HIP1: variants seen among roughly 807,000 people sequenced by gnomAD.
The protein encoded by HIP1 is huntingtin-interacting protein 1.
Under a neutral mutation model 147.6 loss-of-function variants are expected in HIP1, and 65 were observed. That is an observed-to-expected ratio of 0.44 (90% CI 0.36 to 0.54). The LOEUF (loss-of-function observed/expected upper bound fraction) is 0.54. Among genes scored for constraint, HIP1 ranks in the 20% least tolerant of loss-of-function variants. The probability of loss-of-function intolerance (pLI) is 0.00; values close to 1 mark genes in which losing one functional copy is unlikely to be tolerated. For missense variants in HIP1, 1,061 were observed against 1,299.6 expected, an observed-to-expected ratio of 0.82 and a Z score of 2.82; for synonymous variants, 479 against 504.0, an observed-to-expected ratio of 0.95 and a Z score of 0.67.
chr7:75,668,787 AT>A (rs1367850534), intron 1 of HIP1, among the ~76,000 whole-genome samples: 1 of 152,224 alleles, frequency 6.6e-6, no homozygotes, highest in African/African-American at 2.4e-5. Flanking sequence ...AGAATAATAC[AT>A]TTTTTTAAAA....
At chr7:75,632,606 C>T (rs1385029427) in intron 1 of HIP1, among the ~76,000 whole-genome samples, 2 of 149,838 alleles carry the variant, frequency 1.3e-5, no homozygotes, top group African/African-American at 2.5e-5. Flanking sequence ...CTATGTTGCC[C>T]AGGCTGGTCT....
At chr7:75,699,106 A>G (rs6964826) in intron 1 of HIP1, among the ~76,000 whole-genome samples, 83,723 of 151,852 alleles carry the variant, frequency 0.55, 23,810 homozygotes, top group African/African-American at 0.68. Context: ...TGAATGACAA[A>G]AGATTTCATA....
chr7:75,563,355 C>T, intron 9 of HIP1, 92 bp from the exon 10 acceptor site: 1 of 1,103,004 alleles, frequency 9.1e-7, no homozygotes, highest in Non-Finnish European at 1.4e-6. Flanking sequence ...TGCCCCCTCC[C>T]CAGCCCAAAG....
chr7:75,665,729 C>T (rs1375801919), intron 1 of HIP1, among the ~76,000 whole-genome samples: 1 of 151,848 alleles, frequency 6.6e-6, no homozygotes, highest in Non-Finnish European at 1.5e-5. Context: ...TCAGTAGAGA[C>T]GGGGTTTTGC....
intron 1 of HIP1, among the ~76,000 whole-genome samples, chr7:75,675,657 T>G (rs1563286613): frequency 6.6e-6 from 1 of 152,204 alleles, no homozygotes; most frequent in Non-Finnish European, 1.5e-5. Context: ...ATGGTTTTCT[T>G]TAGTTCTTTG....
rs587716392 is a variant in HIP1 at position 75,636,724 on chromosome 7, A to T, written c.121-37477T>A. Among the ~76,000 whole-genome samples, 3 of 152,266 alleles carry T rather than the reference A, an allele frequency of 2.0e-5. No homozygotes were observed. The East Asian group carries it at 5.8e-4, about 29-fold the overall frequency. On this transcript the variant is annotated intron_variant, in intron 1 of 30. Coordinates refer to ENST00000336926, the MANE Select transcript of HIP1 (RefSeq NM_005338.7). Reference sequence around the variant, plus strand: ...CAATGATTAATGAGAATCTAATATCACTTTTGTTTGGACCCCAAGCTAAAA... The same window carrying T: ...CAATGATTAATGAGAATCTAATATCTCTTTTGTTTGGACCCCAAGCTAAAA...
intron 8 of HIP1, among the ~76,000 whole-genome samples, chr7:75,572,181 G>A (rs1401454058): frequency 1.3e-5 from 2 of 150,302 alleles, no homozygotes; most frequent in South Asian, 2.1e-4. Flanking sequence ...CCGAGATCAT[G>A]CCATTGCACT....
At chr7:75,597,868 G>A (rs1204245813) in intron 2 of HIP1, among the ~76,000 whole-genome samples, 3 of 152,008 alleles carry the variant, frequency 2.0e-5, no homozygotes, top group East Asian at 3.9e-4. Context: ...TGGGGATTAA[G>A]CGCTCCAGTT....
chr7:75,592,859 G>T lies in HIP1; in HGVS notation c.185-345C>A, dbSNP rs75584265. The stretch of plus-strand genomic sequence containing the variant: ...CGAGATGTAAGCGTCTTGAGAGAGA[G>T]GTGTGTCTTTTTCTAATTTGCACAA... On this transcript the variant is annotated intron_variant, in intron 2 of 30. Transcript: ENST00000336926. 4.3e-3 allele frequency among the ~76,000 whole-genome samples: 662 copies of T among 152,300 alleles called. 5 individuals carry two copies. The highest frequency in any genetic ancestry group is 0.015 in the African/African-American group (633 of 41,574).
intron 2 of HIP1, among the ~76,000 whole-genome samples, chr7:75,593,343 T>C (rs1796568079): frequency 6.6e-6 from 1 of 151,996 alleles, no homozygotes; most frequent in African/African-American, 2.4e-5. Context: ...AAAGTAAGGG[T>C]GTGCAAGCCA....
chr7:75,706,825 T>C (rs1252779186), intron 1 of HIP1, among the ~76,000 whole-genome samples: 3 of 88,636 alleles, frequency 3.4e-5, no homozygotes, highest in Non-Finnish European at 6.5e-5. Flanking sequence ...ATATTCCCCT[T>C]CCTGTGTCCA....
chr7:75,677,960 A>G (rs1554516297), intron 1 of HIP1, among the ~76,000 whole-genome samples: 2 of 151,966 alleles, frequency 1.3e-5, no homozygotes, highest in African/African-American at 4.8e-5. Context: ...TCTCTAATGT[A>G]ACCTCCTTCT....
chr7:75,553,495 T>C lies in HIP1; in HGVS notation c.2253A>G (p.Thr751=). 6.2e-7 allele frequency: 1 copy of C among 1,614,206 alleles called. No individual in the cohort carries two copies. The highest frequency in any genetic ancestry group is 8.5e-7 in the Non-Finnish European group (1 of 1,180,018). The change falls in exon 22 of 31, where the codon ACA becomes ACG. Residue 751 remains threonine (T), a synonymous_variant. Coordinates refer to ENST00000336926, the MANE Select transcript of HIP1 (RefSeq NM_005338.7). ...TCTTGCTCAGGCAGTTCCTCATGGCTGTGCTGTCGGCATTCTCAAGGCTTC... is the reference window on the plus strand; with the variant it reads ...TCTTGCTCAGGCAGTTCCTCATGGCCGTGCTGTCGGCATTCTCAAGGCTTC... ...EEGSLENADS[T]AMRNCLSKIK... is the part of the protein sequence containing the mutation.
At chr7:75,557,343 C>CA (rs1795050886) in intron 16 of HIP1, among the ~76,000 whole-genome samples, 1 of 151,214 alleles carries the variant, frequency 6.6e-6, no homozygotes, top group African/African-American at 2.4e-5. Flanking sequence ...ACAAACAAAA[C>CA]AAACAAACAA....
chr7:75,587,772 TG>T (rs1395599686), intron 4 of HIP1, among the ~76,000 whole-genome samples: 1 of 152,142 alleles, frequency 6.6e-6, no homozygotes, highest in Non-Finnish European at 1.5e-5. Context: ...GAGACCAGCC[TG>T]GCCAACATGG....
At position 75,574,842 on chromosome 7, in the gene HIP1, ATCT is replaced by A. The variant is rs1795782226; in HGVS notation, c.605-944_605-942del. On this transcript the variant is annotated intron_variant, in intron 7 of 30. Coordinates refer to ENST00000336926, the MANE Select transcript of HIP1 (RefSeq NM_005338.7). ...ATGGCGGACATGGAGGAGGAGCCTC[ATCT>A]TCATTTTTTTCCTCTTTACGAGACT... 2.6e-5 allele frequency among the ~76,000 whole-genome samples: 4 copies of A among 152,088 alleles called. No individual in the cohort carries two copies. In the South Asian group the frequency reaches 8.3e-4, roughly 32 times the overall value.
In HIP1 at chr7:75,582,085, C is replaced by A. The variant is rs782348540; in HGVS notation, c.532G>T (p.Val178Leu). The A allele has an allele frequency of 6.2e-7, 1 of 1,613,804 alleles. No individual in the cohort carries two copies. Among genetic ancestry groups the A allele is most frequent in the South Asian group, 1.1e-5 (1 of 91,008 alleles). ...RQLDEAGESD[V>L]NNFFQLTVEM... The stretch of plus-strand genomic sequence containing the variant: ...GCAGGAGCCACTTACAAGTTGTTCA[C>A]GTCACTTTCTCCAGCCTCGTCCAGC... Residue 178 changes from valine to leucine, a missense_variant, in exon 6 of 31, where the codon GTG (valine) becomes TTG (leucine). This residue lies in a region of HIP1 where 225 missense variants were observed against 292.9 expected (regional missense o/e 0.77). Transcript: ENST00000336926.
intron 1 of HIP1, among the ~76,000 whole-genome samples, chr7:75,624,936 A>ATTT (rs57832648): frequency 7.2e-6 from 1 of 139,216 alleles, no homozygotes; most frequent in Non-Finnish European, 1.6e-5. Flanking sequence ...TTTTTGTTTA[A>ATTT]TTTTTTTTTT....
Position 75,586,811 on chromosome 7 carries a change from C to T in HIP1, c.407G>A (p.Gly136Asp), listed in dbSNP as rs782010638. ...TTTCAGGTAGATGCTGCACAGCTGG[C>T]CATACCCCTCGCTCAGGTGGCCCTT... ...RMWGHLSEGY[G>D]QLCSIYLKLL... The change falls in exon 5 of 31, where the codon GGC (glycine) becomes GAC (aspartate). Residue 136 changes from glycine (G) to aspartate (D), a missense_variant. Physicochemically the swap from Gly to Asp is moderately conservative, Grantham distance 94. This residue lies in a region of HIP1 where 225 missense variants were observed against 292.9 expected (regional missense o/e 0.77). Coordinates refer to ENST00000336926, the MANE Select transcript of HIP1 (RefSeq NM_005338.7). 5.0e-6 allele frequency: 8 copies of T among 1,612,856 alleles called. No homozygotes were observed. Among genetic ancestry groups the T allele is most frequent in the Non-Finnish European group, 1.7e-6 (2 of 1,179,112 alleles).
Sources: gnomAD v4.1 joint callset for allele counts (sites outside exome capture counted in the v4.1 genomes callset) on GRCh38, gnomAD v4.1.1 for gene constraint, gnomAD v4.1.1 regional missense constraint, MANE v1.5 for transcripts, NCBI Gene and HGNC (gene_info 2026-07-23, HGNC 2026-07-21) for gene names.